The following CEP128 variants were observed in gnomAD, a reference collection of about 807,000 sequenced individuals.
The protein encoded by CEP128 is centrosomal protein 128kDa.
CEP128 carries 132 observed loss-of-function variants against 156.7 expected under a neutral mutation model. The ratio of observed to expected loss-of-function variants is 0.84; its 90% CI spans 0.73 to 0.97. The LOEUF is 0.97. CEP128 is among the 50% of genes least tolerant of loss of function. CEP128 has a pLI of 0.00. For missense variants in CEP128, 1,252 were observed against 1,281.9 expected (o/e 0.98, Z 0.36); for synonymous variants, 469 against 448.9 (o/e 1.04, Z -0.57).
At chr14:80,484,268 G>A (rs1021282729) in intron 14 of CEP128, among the ~76,000 whole-genome samples, 4 of 152,144 alleles carry the variant, frequency 2.6e-5, no homozygotes, top group African/African-American at 2.4e-5. Context: ...GTGAGCCACC[G>A]CACTCAGCCA....
intron 20 of CEP128, among the ~76,000 whole-genome samples, chr14:80,563,461 A>C (rs1382648231): frequency 6.6e-6 from 1 of 151,026 alleles, no homozygotes; most frequent in Non-Finnish European, 1.5e-5. Flanking sequence ...ACACATATGT[A>C]ATTTTATATA....
At chr14:80,552,009 A>G (rs1890229012) in intron 21 of CEP128, among the ~76,000 whole-genome samples, 1 of 152,172 alleles carries the variant, frequency 6.6e-6, no homozygotes, top group Non-Finnish European at 1.5e-5. Flanking sequence ...GGTGAGAAGT[A>G]GTCCTGTTTT....
chr14:80,679,459 G>A (rs1326034089), intron 19 of CEP128, among the ~76,000 whole-genome samples: 2 of 152,112 alleles, frequency 1.3e-5, no homozygotes, highest in Non-Finnish European at 2.9e-5. Context: ...TGTCTTACGT[G>A]GCTGAGATAA....
At position 80,792,983 on chromosome 14, in the gene CEP128, T is replaced by G; in HGVS notation, c.1337A>C (p.Glu446Ala). ...TGCATCCTCCGCATGGCGAGTCAGC[T>G]CTGAGATCTGAAGGTCAGCATGCTT... ...ERKHADLQIS[E>A]LTRHAEDATK... Residue 446 changes from glutamate (E) to alanine (A), a missense_variant, in exon 14 of 25, where the codon GAG (glutamate) becomes GCG (alanine). By Grantham distance (107) the Glu-to-Ala change is moderately radical. Transcript: ENST00000555265. 2 of 1,614,176 alleles carry G rather than the reference T, an allele frequency of 1.2e-6. No individual in the cohort carries two copies.
At chr14:80,798,016 A>C (rs1434282040) in intron 13 of CEP128, among the ~76,000 whole-genome samples, 2 of 152,314 alleles carry the variant, frequency 1.3e-5, no homozygotes, top group East Asian at 3.9e-4. Flanking sequence ...GAATGGTTAA[A>C]TTTCATATCA....
intron 23 of CEP128, among the ~76,000 whole-genome samples, chr14:80,511,952 C>A (rs765132537): frequency 6.6e-6 from 1 of 151,886 alleles, no homozygotes; most frequent in African/African-American, 2.4e-5. Context: ...CTTGGTTTTT[C>A]AATTTTTTTG....
chr14:80,499,184 T>C (rs1887627207), intron 24 of CEP128, among the ~76,000 whole-genome samples: 1 of 152,238 alleles, frequency 6.6e-6, no homozygotes, highest in African/African-American at 2.4e-5. Context: ...TTTGGCATTT[T>C]ACTCTATAAG....
intron 2 of CEP128, among the ~76,000 whole-genome samples, chr14:80,948,381 G>C (rs1318097834): frequency 6.6e-6 from 1 of 152,168 alleles, no homozygotes; most frequent in African/African-American, 2.4e-5. Flanking sequence ...ACTAATTATA[G>C]GTAATTATCA....
chr14:80,722,815 C>CT (rs1897870782), intron 19 of CEP128, among the ~76,000 whole-genome samples: 1 of 140,222 alleles, frequency 7.1e-6, no homozygotes, highest in Non-Finnish European at 1.5e-5. Flanking sequence ...AGAGGTTACT[C>CT]TTTATCTTTT....
At chr14:80,516,571 C>G (rs2371300) in intron 23 of CEP128, among the ~76,000 whole-genome samples, 119,254 of 151,736 alleles carry the variant, frequency 0.79, 49,020 homozygotes, top group Middle Eastern at 0.9. Context: ...GAGAATCCCA[C>G]AGTGCTTTAG....
upstream of CEP128, among the ~76,000 whole-genome samples, chr14:80,944,088 A>C (rs1439832717): frequency 4.6e-5 from 7 of 152,178 alleles, no homozygotes; most frequent in African/African-American, 1.7e-4. Context: ...CGACAAAATG[A>C]GTTAAACCAA....
exon 15 of CEP128, chr14:80,477,458 C>T (rs1475824001): frequency 1.3e-5 from 2 of 152,104 alleles, no homozygotes; most frequent in Non-Finnish European, 2.9e-5. Context: ...TTCAGAGAAA[C>T]CATAAATAAA....
intron 23 of CEP128, among the ~76,000 whole-genome samples, chr14:80,517,122 T>A (rs930545768): frequency 6.6e-6 from 1 of 152,096 alleles, no homozygotes; most frequent in African/African-American, 2.4e-5. Context: ...GCCATTTGTA[T>A]CTTCTCTTTT....
At chr14:80,727,282 A>G (rs1898055558) in intron 19 of CEP128, among the ~76,000 whole-genome samples, 1 of 152,182 alleles carries the variant, frequency 6.6e-6, no homozygotes, top group South Asian at 2.1e-4. Context: ...AATAAAGATC[A>G]ATTTACAATA....
In CEP128 at chr14:80,535,615, T is replaced by TCACA. The variant is rs34455428; in HGVS notation, c.2881-4733_2881-4730dup. ...CACGCGCACGCATACATGCACACACTCACACACACACACACACATGGGGTC... is the reference window on the plus strand; with the variant it reads ...CACGCGCACGCATACATGCACACACTCACACACACACACACACACACATGGGGTC... On this transcript the variant is annotated intron_variant, in intron 21 of 24. Transcript: ENST00000555265. Among the ~76,000 whole-genome samples, 97 of 149,780 alleles carry TCACA rather than the reference T, an allele frequency of 6.5e-4. 2 individuals are homozygous for TCACA. The South Asian group carries it at 0.013, about 20-fold the overall frequency.
At chr14:80,553,063 T>TTTTC (rs1011662433) in intron 21 of CEP128, among the ~76,000 whole-genome samples, 5 of 123,246 alleles carry the variant, frequency 4.1e-5, no homozygotes, top group East Asian at 5.2e-4. Flanking sequence ...CACATTTCGG[T>TTTTC]TTTCTTTCTT....
intron 19 of CEP128, among the ~76,000 whole-genome samples, chr14:80,644,255 C>T (rs1424947182): frequency 2.0e-5 from 3 of 152,130 alleles, no homozygotes; most frequent in Admixed American, 6.6e-5. Flanking sequence ...TAAACCACTC[C>T]GTTTGTGGCG....
intron 24 of CEP128, among the ~76,000 whole-genome samples, chr14:80,504,360 AT>A (rs1278034749): frequency 7.2e-5 from 11 of 152,184 alleles, no homozygotes; most frequent in Non-Finnish European, 1.6e-4. Context: ...GAAATTACAT[AT>A]AAGCTGAAAC....
intron 19 of CEP128, among the ~76,000 whole-genome samples, chr14:80,674,245 A>G (rs923264632): frequency 6.6e-6 from 1 of 152,170 alleles, no homozygotes; most frequent in African/African-American, 2.4e-5. Flanking sequence ...AAGGATTACT[A>G]ACAGCAATGG....
Sources: gnomAD v4.1 joint callset for allele counts (sites outside exome capture counted in the v4.1 genomes callset) on GRCh38, gnomAD v4.1.1 for gene constraint, MANE v1.5 for transcripts, NCBI Gene and HGNC (gene_info 2026-07-23, HGNC 2026-07-21) for gene names.